The following ABCA5 variants were observed in gnomAD, a reference collection of about 807,000 sequenced individuals.
ABCA5 encodes cholesterol transporter ABCA5.
A neutral mutation model predicts 206.0 loss-of-function variants in ABCA5; 163 were observed. That is an observed-to-expected ratio of 0.79 (90% CI 0.70 to 0.90). The LOEUF (loss-of-function observed/expected upper bound fraction) is 0.90, where lower values mean the gene tolerates loss of function less well. Ranked by LOEUF, ABCA5 falls within the 40% of genes least tolerant of loss-of-function variation. ABCA5 has a pLI of 0.00. For missense variants in ABCA5, 1,859 were observed against 1,912.9 expected (o/e 0.97, Z 0.53); for synonymous variants, 609 against 613.8 (o/e 0.99, Z 0.11).
chr17:69,252,016 A>ACTTTTATATTCTGTTT, intron 34 of ABCA5, 150 bp from the exon 35 acceptor site: 1 of 612,598 alleles, frequency 1.6e-6, no homozygotes, highest in South Asian at 2.2e-5. Flanking sequence ...CCCAACTATG[A>ACTTTTATATTCTGTTT]TTTTTTTTTT....
chr17:69,318,612 A>G (rs2075837513), intron 1 of ABCA5: 1 of 314,634 alleles, frequency 3.2e-6, no homozygotes, highest in Non-Finnish European at 5.9e-6. Context: ...CATACTGTAA[A>G]AATACTAAAT....
intron 1 of ABCA5, chr17:69,317,172 G>A (rs2075823941): frequency 6.6e-6 from 1 of 152,166 alleles, no homozygotes; most frequent in South Asian, 2.1e-4. Flanking sequence ...CAAGGCGGGT[G>A]GATCACTTGA....
intron 12 of ABCA5, 127 bp from the exon 13 acceptor site, chr17:69,290,164 A>C (rs2075510096): frequency 5.1e-6 from 3 of 588,620 alleles, no homozygotes; most frequent in Non-Finnish European, 8.3e-6. Context: ...TAAATTTACA[A>C]GGCACAACAC....
chr17:69,288,265 T>A (rs1337070591), intron 14 of ABCA5, among the ~76,000 whole-genome samples: 1 of 152,032 alleles, frequency 6.6e-6, no homozygotes, highest in Admixed American at 6.6e-5. Context: ...ATGGTGGGGA[T>A]CAATAGGAGA....
intron 18 of ABCA5, among the ~76,000 whole-genome samples, chr17:69,281,455 C>T (rs886112052): frequency 1.5e-4 from 23 of 152,086 alleles, no homozygotes; most frequent in Admixed American, 1.2e-3. Context: ...GATTCTTCCA[C>T]AATTTGTGAG....
intron 38 of ABCA5, among the ~76,000 whole-genome samples, chr17:69,248,017 A>G (rs2074971138): frequency 6.6e-6 from 1 of 152,138 alleles, no homozygotes; most frequent in Non-Finnish European, 1.5e-5. Flanking sequence ...ATGTATCAAA[A>G]CATCACTGTA....
rs868836790 is a variant in ABCA5 at position 69,291,478 on chromosome 17, C to A, written c.1496-152G>T. 19 of 465,096 alleles carry A rather than the reference C, an allele frequency of 4.1e-5. No homozygotes were observed. In the Middle Eastern group the frequency reaches 2.8e-3, roughly 69 times the overall value. The allele number at this position is 465,096 out of a possible 1,614,324, so 28.8% of individuals were successfully genotyped here. A position where few individuals can be genotyped will look rare whatever the true frequency, so the allele number is the denominator to read the frequency against. On this transcript the variant is annotated intron_variant, in intron 11 of 38. Coordinates refer to ENST00000392676, the MANE Select transcript of ABCA5 (RefSeq NM_172232.4). Reference sequence around the variant, plus strand: ...TATTTGATAGCAGGTAAAACAGCTTCTTTGTTACAGTCAACGATATAAACA... The same window carrying A: ...TATTTGATAGCAGGTAAAACAGCTTATTTGTTACAGTCAACGATATAAACA...
At position 69,270,653 on chromosome 17, in the gene ABCA5, A is replaced by G; in HGVS notation, c.2990T>C (p.Val997Ala). ...ISNYYLYHLN[V>A]TETIQIWSTP... ...ACTCCAGATCTGGATGGTTTCAGTCACATTTAAATGATAAAGATAGTAGTT... is the reference window on the plus strand; with the variant it reads ...ACTCCAGATCTGGATGGTTTCAGTCGCATTTAAATGATAAAGATAGTAGTT... Residue 997 changes from valine to alanine, a missense_variant, in exon 22 of 39, where the codon GTG becomes GCG. Physicochemically the swap from Val to Ala is moderately conservative, Grantham distance 64. Coordinates refer to ENST00000392676, the MANE Select transcript of ABCA5 (RefSeq NM_172232.4). The G allele has an allele frequency of 6.2e-7, 1 of 1,603,268 alleles. No homozygotes were observed. The highest frequency in any genetic ancestry group is 2.3e-5 in the East Asian group (1 of 44,318).
At chr17:69,258,509 C>T (rs1380345999) in intron 28 of ABCA5, among the ~76,000 whole-genome samples, 1 of 152,114 alleles carries the variant, frequency 6.6e-6, no homozygotes, top group South Asian at 2.1e-4. Context: ...TCAGTGGATA[C>T]ACATGAACAT....
chr17:69,279,921 A>T (rs199948508), intron 18 of ABCA5, among the ~76,000 whole-genome samples: 19 of 152,370 alleles, frequency 1.2e-4, no homozygotes, highest in East Asian at 3.9e-4. Flanking sequence ...ACCTAAAACC[A>T]TAAAAACCCT....
chr17:69,297,055 AG>A (rs2075591055), intron 10 of ABCA5, 135 bp downstream of exon 10: 1 of 796,198 alleles, frequency 1.3e-6, no homozygotes, highest in Admixed American at 3.6e-5. Context: ...AGAGAAAAGT[AG>A]CCCTTATTAA....
chr17:69,250,504 C>T lies in ABCA5; in HGVS notation c.4653G>A (p.Gln1551=). The change falls in exon 36 of 39, where the codon CAG becomes CAA. Residue 1551 remains glutamine (Q), a synonymous_variant. Coordinates refer to ENST00000392676, the MANE Select transcript of ABCA5 (RefSeq NM_172232.4). ...LEVDRLQREI[Q]YIFPNASRQE... is the part of the protein sequence containing the mutation. ...GACGGCTTGCATTTGGGAAAATATA[C>T]TGAATTTCTCTTTGAAGGCGGTCTA... 1 of 1,606,336 alleles carries T rather than the reference C, an allele frequency of 6.2e-7. No homozygotes were observed. Among genetic ancestry groups the T allele is most frequent in the Non-Finnish European group, 8.5e-7 (1 of 1,177,414 alleles).
At chr17:69,293,505 G>A (rs2075550142) in intron 11 of ABCA5, among the ~76,000 whole-genome samples, 1 of 152,164 alleles carries the variant, frequency 6.6e-6, no homozygotes, top group African/African-American at 2.4e-5. Flanking sequence ...TGATGTAGAA[G>A]TTGCTGTAGA....
intron 21 of ABCA5, 62 bp downstream of exon 21, chr17:69,271,100 G>T: frequency 6.5e-7 from 1 of 1,533,436 alleles, no homozygotes; most frequent in Non-Finnish European, 8.7e-7. Context: ...ATTAATTTTA[G>T]AAGAAACGTT....
At chr17:69,297,476 A>G (rs2075596730) in intron 9 of ABCA5, 117 bp from the exon 10 acceptor site, 2 of 828,650 alleles carry the variant, frequency 2.4e-6, no homozygotes, top group Non-Finnish European at 3.7e-6. Flanking sequence ...CGCAACATAT[A>G]TATATTTCCA....
At chr17:69,273,444 T>C (rs934277533) in intron 20 of ABCA5, among the ~76,000 whole-genome samples, 1 of 139,600 alleles carries the variant, frequency 7.2e-6, no homozygotes, top group African/African-American at 2.7e-5. Flanking sequence ...TAAATTTTTT[T>C]AACTATTTAT....
At chr17:69,311,180 C>T (rs941454853) in intron 3 of ABCA5, among the ~76,000 whole-genome samples, 1 of 151,708 alleles carries the variant, frequency 6.6e-6, no homozygotes, top group Non-Finnish European at 1.5e-5. Context: ...ACAGTGAGAT[C>T]CCATCTCAAA....
At position 69,291,270 on chromosome 17, in the gene ABCA5, T is replaced by A. The variant is rs1460612680; in HGVS notation, c.1552A>T (p.Thr518Ser). The A allele has an allele frequency of 1.2e-6, 2 of 1,612,028 alleles. No individual in the cohort carries two copies. Among genetic ancestry groups the A allele is most frequent in the African/African-American group, 2.7e-5 (2 of 74,950 alleles). ...ATATTCATCAATGTACTCTTTCCTGTTCCACTGTGGCCAAGTAAGGCAGTA... is the reference window on the plus strand; with the variant it reads ...ATATTCATCAATGTACTCTTTCCTGATCCACTGTGGCCAAGTAAGGCAGTA... ...QITALLGHSG[T>S]GKSTLMNILC... The change falls in exon 12 of 39, where the codon ACA becomes TCA. Residue 518 changes from threonine (T) to serine (S), a missense_variant. Thr to Ser is a moderately conservative substitution (Grantham distance 58). Transcript: ENST00000392676.
At chr17:69,261,027 A>G (rs2144911926) in intron 26 of ABCA5, 98 bp downstream of exon 26, 1 of 982,862 alleles carries the variant, frequency 1.0e-6, no homozygotes, top group South Asian at 1.7e-5. Context: ...CCATTAGCCC[A>G]ATGCATTTTA....
Sources: allele counts gnomAD v4.1 joint callset (sites outside exome capture counted in the v4.1 genomes callset), GRCh38; gene constraint gnomAD v4.1.1; transcripts MANE v1.5; gene names NCBI Gene and HGNC (gene_info 2026-07-23, HGNC 2026-07-21).